Variants in IFTAP observed in about 807,000 individuals in gnomAD.
The protein encoded by IFTAP is intraflagellar transport-associated protein.
In IFTAP, 19 loss-of-function variants were observed where a neutral mutation model predicts 19.4. That is an observed-to-expected ratio of 0.98 (90% CI 0.68 to 1.44). The LOEUF (loss-of-function observed/expected upper bound fraction) is 1.44, where lower values mean the gene tolerates loss of function less well. Ranked by LOEUF, IFTAP falls within the 40% of genes most tolerant of loss-of-function variation. IFTAP has a pLI of 0.00. For missense variants in IFTAP, 240 were observed against 253.6 expected (o/e 0.95, Z 0.36); for synonymous variants, 85 against 83.5 (o/e 1.02, Z -0.10).
At chr11:36,639,214 C>T (rs1384666520) in intron 4 of IFTAP, among the ~76,000 whole-genome samples, 1 of 151,026 alleles carries the variant, frequency 6.6e-6, no homozygotes, top group Non-Finnish European at 1.5e-5. Context: ...TGGGCCCAGC[C>T]CAACCTCTTT....
chr11:36,603,401 C>G (rs1851577896), intron 1 of IFTAP, among the ~76,000 whole-genome samples: 1 of 152,076 alleles, frequency 6.6e-6, no homozygotes, highest in Non-Finnish European at 1.5e-5. Flanking sequence ...TCCTAAATAT[C>G]TTTTGTTTTA....
Position 36,630,540 on chromosome 11 carries a change from A to G in IFTAP, c.137-2744A>G, listed in dbSNP as rs528848810. 4.0e-5 allele frequency among the ~76,000 whole-genome samples: 6 copies of G among 151,518 alleles called. 1 individual carries two copies. The South Asian group carries it at 6.2e-4, about 16-fold the overall frequency. On this transcript the variant is annotated intron_variant, in intron 2 of 5. Coordinates refer to ENST00000334307, the MANE Select transcript of IFTAP (RefSeq NM_138787.4). ...CATCAGGATCAGAAGCTGAGACTTCATTATATTTTGCTCTTTATTTCAAAG... is the reference window on the plus strand; with the variant it reads ...CATCAGGATCAGAAGCTGAGACTTCGTTATATTTTGCTCTTTATTTCAAAG...
intron 4 of IFTAP, among the ~76,000 whole-genome samples, chr11:36,640,126 A>G (rs1036269699): frequency 3.3e-5 from 5 of 152,132 alleles, no homozygotes; most frequent in Non-Finnish European, 2.9e-5. Context: ...CATTAGCTAG[A>G]CCAGCAGACT....
chr11:36,610,571 T>C (rs1315138955), intron 2 of IFTAP, among the ~76,000 whole-genome samples: 4 of 152,108 alleles, frequency 2.6e-5, no homozygotes, highest in Admixed American at 6.6e-5. Flanking sequence ...CTTTAAAAAA[T>C]TTCAAAGAGA....
rs116109232 is a variant in IFTAP at position 36,594,508 on chromosome 11, G to C, written c.-108G>C. ...CATTTCCCAAGAATCCGTTCTCTCT[G>C]GGATGTGTAGCTTTGGAAATCTGTC... On this transcript the variant is annotated 5_prime_UTR_variant, in exon 1 of 6. Coordinates refer to ENST00000334307, the MANE Select transcript of IFTAP (RefSeq NM_138787.4). 3,009 of 329,184 alleles carry C rather than the reference G, an allele frequency of 9.1e-3. 70 individuals are homozygous for C. The highest frequency in any genetic ancestry group is 0.058 in the African/African-American group (2,763 of 47,546). 20.4% of individuals were successfully genotyped at this position (329,184 alleles called of 1,614,324 possible). A position where few individuals can be genotyped will look rare whatever the true frequency, so the allele number is the denominator to read the frequency against.
chr11:36,619,519 A>G (rs1173817851), intron 2 of IFTAP, among the ~76,000 whole-genome samples: 2 of 152,086 alleles, frequency 1.3e-5, no homozygotes, highest in South Asian at 2.1e-4. Context: ...GAATTTCAGT[A>G]GAGCATAAAA....
intron 2 of IFTAP, among the ~76,000 whole-genome samples, chr11:36,612,424 T>G (rs993714950): frequency 6.6e-6 from 1 of 152,050 alleles, no homozygotes; most frequent in African/African-American, 2.4e-5. Context: ...TTTAAACATT[T>G]AAATACCTTC....
At chr11:36,624,850 A>G (rs1391913498) in intron 2 of IFTAP, among the ~76,000 whole-genome samples, 1 of 152,190 alleles carries the variant, frequency 6.6e-6, no homozygotes, top group South Asian at 2.1e-4. Flanking sequence ...AGGTCATATT[A>G]TCCTTGGATT....
intron 2 of IFTAP, among the ~76,000 whole-genome samples, chr11:36,619,267 G>A (rs12292030): frequency 1.3e-5 from 2 of 151,916 alleles, no homozygotes; most frequent in Non-Finnish European, 2.9e-5. Context: ...TCTAAAAAAT[G>A]TAATTAAAAA....
At chr11:36,635,899 A>T in intron 3 of IFTAP, 152 bp from the exon 4 acceptor site, 1 of 648,244 alleles carries the variant, frequency 1.5e-6, no homozygotes, top group Non-Finnish European at 2.8e-6. Context: ...AGCACAGTGA[A>T]CACAAAAGCC....
chr11:36,606,776 T>C (rs1851708084), intron 1 of IFTAP, among the ~76,000 whole-genome samples: 1 of 152,182 alleles, frequency 6.6e-6, no homozygotes, highest in Admixed American at 6.5e-5. Flanking sequence ...ATTGATAAAA[T>C]AAAATGTTGA....
At chr11:36,626,200 C>A (rs1852505222) in intron 2 of IFTAP, among the ~76,000 whole-genome samples, 1 of 151,176 alleles carries the variant, frequency 6.6e-6, no homozygotes, top group Non-Finnish European at 1.5e-5. Flanking sequence ...AAATATATGT[C>A]CTCGATTAAA....
At chr11:36,605,236 G>C (rs1851648800) in intron 1 of IFTAP, among the ~76,000 whole-genome samples, 1 of 151,670 alleles carries the variant, frequency 6.6e-6, no homozygotes. Flanking sequence ...AGTGGGCTTT[G>C]ATAGACCTGC....
chr11:36,607,890 C>A (rs1278366820), intron 1 of IFTAP, among the ~76,000 whole-genome samples: 4 of 152,146 alleles, frequency 2.6e-5, no homozygotes, highest in Admixed American at 2.6e-4. Flanking sequence ...TCAGGCTGGT[C>A]TCAAACTTCC....
At chr11:36,656,660 G>A (rs1854004400) in intron 5 of IFTAP, among the ~76,000 whole-genome samples, 1 of 151,986 alleles carries the variant, frequency 6.6e-6, no homozygotes, top group Non-Finnish European at 1.5e-5. Context: ...GGAGAGCAAA[G>A]CACGTGATAC....
At chr11:36,629,700 A>G (rs1398182634) in intron 2 of IFTAP, among the ~76,000 whole-genome samples, 1 of 151,434 alleles carries the variant, frequency 6.6e-6, no homozygotes, top group East Asian at 1.9e-4. Flanking sequence ...CAACCTTTTC[A>G]AGGTGTGTAA....
rs80053168 is a variant in IFTAP, at chr11:36,606,000, C to T, written c.-23-4081C>T. ...GAAACCCACTAGGATTTGCATAAAC[C>T]ACTTGGCTGTCTGATAAGTCATTAT... On this transcript the variant is annotated intron_variant, in intron 1 of 5. Transcript: ENST00000334307. 4.7e-4 allele frequency among the ~76,000 whole-genome samples: 71 copies of T among 152,254 alleles called. No homozygotes were observed. In the East Asian group the frequency reaches 0.013, roughly 29 times the overall value.
chr11:36,616,442 G>A (rs905089397), intron 2 of IFTAP, among the ~76,000 whole-genome samples: 2 of 151,552 alleles, frequency 1.3e-5, no homozygotes, highest in Non-Finnish European at 2.9e-5. Flanking sequence ...CTTCATACTT[G>A]TTAATATTTG....
intron 5 of IFTAP, among the ~76,000 whole-genome samples, chr11:36,655,689 G>C (rs116067180): frequency 6.6e-6 from 1 of 152,216 alleles, no homozygotes; most frequent in African/African-American, 2.4e-5. Context: ...CAAATGTGAC[G>C]TTATTACTAT....
Sources: gnomAD v4.1 joint callset for allele counts (sites outside exome capture counted in the v4.1 genomes callset) on GRCh38, gnomAD v4.1.1 for gene constraint, MANE v1.5 for transcripts, NCBI Gene and HGNC (gene_info 2026-07-23, HGNC 2026-07-21) for gene names.